Variants in GNA14 observed in about 807,000 individuals in gnomAD.
GNA14 encodes G protein subunit alpha 14.
A neutral mutation model predicts 42.0 loss-of-function variants in GNA14; 50 were observed. The observed-to-expected ratio is 1.19, with a 90% confidence interval of 0.95 to 1.51. GNA14 has a LOEUF of 1.51. GNA14 is among the 40% of genes most tolerant of loss of function. GNA14 has a pLI of 0.00. For synonymous variants in GNA14, 173 were observed against 163.1 expected, an observed-to-expected ratio of 1.06 and a Z score of -0.46; for missense variants, 473 against 446.2, an observed-to-expected ratio of 1.06 and a Z score of -0.54.
At chr9:77,643,453 G>A (rs1824301277) in intron 1 of GNA14, among the ~76,000 whole-genome samples, 1 of 152,092 alleles carries the variant, frequency 6.6e-6, no homozygotes, top group Non-Finnish European at 1.5e-5. Context: ...TTGTCAGGCT[G>A]GTCTTGAACT....
chr9:77,467,000 G>GGTGTGTGTGTGTGTGT (rs59321037), intron 2 of GNA14, among the ~76,000 whole-genome samples: 107 of 143,610 alleles, frequency 7.5e-4, no homozygotes, highest in East Asian at 1.0e-3. Context: ...TTTACCACTC[G>GGTGTGTGTGTGTGTGT]GTGTGTGTGT....
At chr9:77,427,088 A>C (rs1312363212) in intron 5 of GNA14, among the ~76,000 whole-genome samples, 2 of 152,238 alleles carry the variant, frequency 1.3e-5, no homozygotes, top group Non-Finnish European at 2.9e-5. Context: ...CAGAGTGGAT[A>C]TAATACATAT....
At chr9:77,512,629 T>C (rs1361912131) in intron 2 of GNA14, among the ~76,000 whole-genome samples, 2 of 152,198 alleles carry the variant, frequency 1.3e-5, no homozygotes, top group Non-Finnish European at 2.9e-5. Flanking sequence ...AGGTATCTCA[T>C]ACACACACAA....
intron 1 of GNA14, among the ~76,000 whole-genome samples, chr9:77,552,564 C>G (rs1032577512): frequency 2.0e-5 from 3 of 152,048 alleles, no homozygotes; most frequent in African/African-American, 7.2e-5. Context: ...GCATTCTGCT[C>G]TTTTAAGAAT....
At chr9:77,484,438 A>G (rs1476321614) in intron 2 of GNA14, among the ~76,000 whole-genome samples, 3 of 152,000 alleles carry the variant, frequency 2.0e-5, no homozygotes, top group Non-Finnish European at 4.4e-5. Context: ...ATCATAAGTG[A>G]TAAACGATTT....
chr9:77,524,229 A>G (rs2131763656), intron 2 of GNA14, among the ~76,000 whole-genome samples: 1 of 152,340 alleles, frequency 6.6e-6, no homozygotes. Context: ...TCAAGGCTGT[A>G]TCTTAATTGA....
intron 2 of GNA14, among the ~76,000 whole-genome samples, chr9:77,497,730 T>C (rs1262768483): frequency 6.6e-6 from 1 of 152,016 alleles, no homozygotes; most frequent in African/African-American, 2.4e-5. Flanking sequence ...CATATGCATA[T>C]ACATATTTAT....
intron 2 of GNA14, among the ~76,000 whole-genome samples, chr9:77,518,877 A>G (rs1297480573): frequency 2.0e-5 from 3 of 152,222 alleles, no homozygotes; most frequent in Non-Finnish European, 2.9e-5. Flanking sequence ...TTATTTTAAA[A>G]TTTGATTTAG....
chr9:77,600,753 A>G (rs749468919), intron 1 of GNA14, among the ~76,000 whole-genome samples: 19 of 150,928 alleles, frequency 1.3e-4, no homozygotes, highest in Non-Finnish European at 1.6e-4. Context: ...CCCTGTCTCT[A>G]CTAAAAAAAA....
At position 77,587,603 on chromosome 9, in the gene GNA14, C is replaced by G. The variant is rs887837973; in HGVS notation, c.125-58350G>C. Reference sequence around the variant, plus strand: ...GAAATATCCGTAGTATGAAAGAACACAGATTGGTGGTTATCTGGGGGAGGT... The same window carrying G: ...GAAATATCCGTAGTATGAAAGAACAGAGATTGGTGGTTATCTGGGGGAGGT... On this transcript the variant is annotated intron_variant, in intron 1 of 6. Coordinates refer to ENST00000341700, the MANE Select transcript of GNA14 (RefSeq NM_004297.4). Among the ~76,000 whole-genome samples the G allele has an allele frequency of 2.0e-5, 3 of 152,124 alleles. 1 individual carries two copies. Among genetic ancestry groups the G allele is most frequent in the Admixed American group, 2.0e-4 (3 of 15,280 alleles).
At chr9:77,601,949 T>G (rs1327752988) in intron 1 of GNA14, among the ~76,000 whole-genome samples, 1 of 152,338 alleles carries the variant, frequency 6.6e-6, no homozygotes, top group Middle Eastern at 3.4e-3. Flanking sequence ...GATAGCCAAT[T>G]AAACCTAATC....
chr9:77,452,855 G>A (rs1232009936), intron 2 of GNA14, among the ~76,000 whole-genome samples: 1 of 151,870 alleles, frequency 6.6e-6, no homozygotes, highest in African/African-American at 2.4e-5. Flanking sequence ...GTCTGAGCTG[G>A]GCACATTGGT....
chr9:77,489,105 T>C (rs754662898), intron 2 of GNA14, among the ~76,000 whole-genome samples: 2 of 151,924 alleles, frequency 1.3e-5, no homozygotes, highest in Non-Finnish European at 2.9e-5. Flanking sequence ...AATCAAATCA[T>C]GGAACTGAGC....
intron 1 of GNA14, among the ~76,000 whole-genome samples, chr9:77,628,691 A>C (rs1219280804): frequency 6.6e-6 from 1 of 152,218 alleles, no homozygotes; most frequent in African/African-American, 2.4e-5. Flanking sequence ...CCATATGCAG[A>C]AAACTGAAAC....
intron 1 of GNA14, among the ~76,000 whole-genome samples, chr9:77,571,756 C>CA (rs35715329): frequency 0.49 from 63,981 of 129,660 alleles, 16,046 homozygotes; most frequent in East Asian, 0.85. Flanking sequence ...CCTCTGCCTT[C>CA]AAAAAAAAAA....
At chr9:77,583,243 T>G (rs1344116414) in intron 1 of GNA14, among the ~76,000 whole-genome samples, 1 of 152,108 alleles carries the variant, frequency 6.6e-6, no homozygotes, top group African/African-American at 2.4e-5. Context: ...AGTTCGGATA[T>G]AAGGGGCTGG....
chr9:77,509,256 C>G (rs866037601), intron 2 of GNA14, among the ~76,000 whole-genome samples: 1 of 152,200 alleles, frequency 6.6e-6, no homozygotes, highest in South Asian at 2.1e-4. Context: ...AAAGTTCATC[C>G]ATGCTGTGGT....
At chr9:77,514,653 C>A (rs376670241) in intron 2 of GNA14, among the ~76,000 whole-genome samples, 5 of 149,696 alleles carry the variant, frequency 3.3e-5, no homozygotes, top group Non-Finnish European at 7.4e-5. Flanking sequence ...TCACTCTGTC[C>A]CCCAGGCTAG....
intron 2 of GNA14, among the ~76,000 whole-genome samples, chr9:77,460,076 A>G (rs771424037): frequency 4.6e-5 from 7 of 152,106 alleles, no homozygotes; most frequent in Non-Finnish European, 1.0e-4. Flanking sequence ...AAATTCTTCC[A>G]AACTCTAGTG....
Sources: allele counts gnomAD v4.1 joint callset (sites outside exome capture counted in the v4.1 genomes callset), GRCh38; gene constraint gnomAD v4.1.1; transcripts MANE v1.5; gene names NCBI Gene and HGNC (gene_info 2026-07-23, HGNC 2026-07-21).